Variants in RUBCNL observed in about 807,000 individuals in gnomAD.
RUBCNL encodes the protein rubicon like autophagy enhancer.
A neutral mutation model predicts 69.5 loss-of-function variants in RUBCNL; 62 were observed. That is an observed-to-expected ratio of 0.89 (90% CI 0.73 to 1.10). The LOEUF is 1.10. RUBCNL is among the 50% of genes least tolerant of loss of function. RUBCNL has a pLI of 0.00. For synonymous variants in RUBCNL, 291 were observed against 303.6 expected (o/e 0.96, Z 0.43); for missense variants, 768 against 798.1 (o/e 0.96, Z 0.45).
intron 12 of RUBCNL, among the ~76,000 whole-genome samples, chr13:46,348,025 G>A (rs1428902189): frequency 6.6e-6 from 1 of 152,110 alleles, no homozygotes; most frequent in African/African-American, 2.4e-5. Context: ...TCTGACACAT[G>A]CTACAACATG....
chr13:46,344,682 T>C (rs2048206162), intron 14 of RUBCNL, 59 bp downstream of exon 14: 3 of 1,153,812 alleles, frequency 2.6e-6, no homozygotes, highest in Non-Finnish European at 3.8e-6. Context: ...CTTAAGTTAC[T>C]AAACTTAGTT....
upstream of RUBCNL, chr13:46,389,818 A>C (rs2138876892): frequency 6.6e-6 from 1 of 152,388 alleles, no homozygotes; most frequent in African/African-American, 2.4e-5. This position sits in a 1 kb window ranked among gnomAD's most constrained non-coding sequence, Gnocchi z 4.2. Context: ...GGGATCTGGA[A>C]GTAGAATTTC....
In RUBCNL at chr13:46,341,236, T is replaced by G. The variant is rs1271987571; in HGVS notation, c.*2149A>C. Among the ~76,000 whole-genome samples the G allele has an allele frequency of 5.3e-5, 8 of 152,162 alleles. No individual in the cohort carries two copies. Among genetic ancestry groups the G allele is most frequent in the Non-Finnish European group, 1.2e-4 (8 of 68,028 alleles). ...CAGCACTGCAACTGATGCCTCACAG[T>G]GGGTAATGGTCTGACCAAGCATTCA... is the stretch of plus-strand genomic sequence containing the variant. On this transcript the variant is annotated 3_prime_UTR_variant, in exon 15 of 15. Coordinates refer to ENST00000429979, the MANE Select transcript of RUBCNL (RefSeq NM_025113.5).
intron 10 of RUBCNL, among the ~76,000 whole-genome samples, chr13:46,352,108 G>A (rs958722625): frequency 3.3e-5 from 5 of 152,208 alleles, no homozygotes; most frequent in African/African-American, 7.2e-5. Context: ...GATTACAGGC[G>A]TGAGCCACCA....
upstream of RUBCNL, among the ~76,000 whole-genome samples, chr13:46,389,462 C>A (rs781206431): frequency 2.0e-5 from 3 of 152,202 alleles, no homozygotes; most frequent in Non-Finnish European, 2.9e-5. This position sits in a 1 kb window ranked among gnomAD's most constrained non-coding sequence, Gnocchi z 4.2. Flanking sequence ...CCAGGTAAAT[C>A]AGTGAGTCAA....
In RUBCNL at chr13:46,339,782, C is replaced by T. The variant is rs1270758044; in HGVS notation, c.*3603G>A. Among the ~76,000 whole-genome samples, 1 of 152,038 alleles carries T rather than the reference C, an allele frequency of 6.6e-6. No individual in the cohort carries two copies. The highest frequency in any genetic ancestry group is 2.4e-5 in the African/African-American group (1 of 41,380). On this transcript the variant is annotated 3_prime_UTR_variant, in exon 15 of 15. Transcript: ENST00000429979. ...GGTGAGACAGGAAAATCACTTGAAC[C>T]CAGGTGGCGGAGGTTGAAGTGAGCT... is the stretch of plus-strand genomic sequence containing the variant.
At position 46,342,629 on chromosome 13, in the gene RUBCNL, T is replaced by C. The variant is rs1459860649; in HGVS notation, c.*756A>G. On this transcript the variant is annotated 3_prime_UTR_variant, in exon 15 of 15. Transcript: ENST00000429979. Reference sequence around the variant, plus strand: ...CAAATACCTTATGTTCAGTTTTACATCTGTTAAAGCAAGATCCTCAAGGGC... The same window carrying C: ...CAAATACCTTATGTTCAGTTTTACACCTGTTAAAGCAAGATCCTCAAGGGC... The C allele has an allele frequency of 4.6e-5, 7 of 152,230 alleles. No homozygotes were observed. Among genetic ancestry groups the C allele is most frequent in the Admixed American group, 2.6e-4 (4 of 15,284 alleles). 9.4% of individuals were successfully genotyped at this position (152,230 alleles called of 1,614,324 possible).
chr13:46,381,464 G>GC (rs1412487654), intron 1 of RUBCNL, among the ~76,000 whole-genome samples: 1 of 152,160 alleles, frequency 6.6e-6, no homozygotes, highest in Admixed American at 6.5e-5. Flanking sequence ...GATGGGAACA[G>GC]CTAAAGGGTA....
chr13:46,362,939 G>GATAT (rs57722239), intron 6 of RUBCNL, among the ~76,000 whole-genome samples, 176 bp downstream of exon 6: 1,799 of 41,180 alleles, frequency 0.044, 103 homozygotes, highest in Non-Finnish European at 0.053. Context: ...TATATATATA[G>GATAT]ATATATATAT....
At chr13:46,369,457 C>T (rs78180009) in intron 3 of RUBCNL, among the ~76,000 whole-genome samples, 1,926 of 152,260 alleles carry the variant, frequency 0.013, 52 homozygotes, top group African/African-American at 0.044. Flanking sequence ...TCAAGCTATC[C>T]TTCCACCTCA....
chr13:46,366,948 T>C lies in RUBCNL; in HGVS notation c.826+1094A>G, dbSNP rs368709129. On this transcript the variant is annotated intron_variant, in intron 5 of 14. Transcript: ENST00000429979. ...TTAGAGAGCAAGCACTTAGAAGAGA[T>C]GTCCAGGACTGAAAACATAGATTCA... Among the ~76,000 whole-genome samples, 9 of 152,194 alleles carry C rather than the reference T, an allele frequency of 5.9e-5. No individual in the cohort carries two copies. In the East Asian group the frequency reaches 1.5e-3, roughly 26 times the overall value.
In RUBCNL at chr13:46,337,857, A is replaced by G. The variant is rs2048113871; in HGVS notation, c.*5528T>C. ...CTCCTGAGTAGTTCTATTTCAAACA[A>G]TCACTCAGGGAGCTGGGTAGGGCCC... On this transcript the variant is annotated 3_prime_UTR_variant, in exon 15 of 15. Transcript: ENST00000429979. 6.6e-6 allele frequency among the ~76,000 whole-genome samples: 1 copy of G among 152,192 alleles called. No homozygotes were observed. Among genetic ancestry groups the G allele is most frequent in the Non-Finnish European group, 1.5e-5 (1 of 68,028 alleles).
intron 1 of RUBCNL, among the ~76,000 whole-genome samples, chr13:46,386,435 T>C (rs1027545402): frequency 5.9e-5 from 9 of 152,176 alleles, no homozygotes; most frequent in African/African-American, 2.2e-4. Context: ...TGAGTCTTAA[T>C]TTTCACTCAA....
chr13:46,359,713 C>T, intron 8 of RUBCNL, 82 bp from the exon 9 acceptor site: 2 of 1,288,086 alleles, frequency 1.6e-6, no homozygotes, highest in Non-Finnish European at 2.1e-6. Flanking sequence ...AAATGTATTT[C>T]CAACATTAAA....
At chr13:46,378,175 C>T (rs190989565) in intron 1 of RUBCNL, among the ~76,000 whole-genome samples, 170 bp from the exon 2 acceptor site, 31 of 152,174 alleles carry the variant, frequency 2.0e-4, no homozygotes, top group Admixed American at 7.2e-4. Flanking sequence ...GGGTAACAGA[C>T]GGGACTAAAA....
intron 1 of RUBCNL, 41 bp from the exon 2 acceptor site, chr13:46,378,046 C>T: frequency 9.6e-7 from 1 of 1,041,470 alleles, no homozygotes; most frequent in East Asian, 2.7e-5. Context: ...TATGATACCA[C>T]TGCCAGGTAT....
chr13:46,345,715 TA>T (rs2048232914), intron 12 of RUBCNL, 115 bp from the exon 13 acceptor site: 1 of 1,004,134 alleles, frequency 1.0e-6, no homozygotes. Context: ...TAACTCAATT[TA>T]AAAAATAAAT....
At chr13:46,350,064 G>A (rs1368562751) in intron 11 of RUBCNL, 49 bp downstream of exon 11, 2 of 1,376,866 alleles carry the variant, frequency 1.5e-6, no homozygotes, top group African/African-American at 2.9e-5. Flanking sequence ...TGCATTTCCT[G>A]CCACAGGACA....
chr13:46,380,080 G>T (rs1470188276), intron 1 of RUBCNL, among the ~76,000 whole-genome samples: 1 of 152,202 alleles, frequency 6.6e-6, no homozygotes, highest in East Asian at 1.9e-4. Context: ...CCCTGGCTGG[G>T]TGGTATCACA....
Sources: allele counts gnomAD v4.1 joint callset (sites outside exome capture counted in the v4.1 genomes callset), GRCh38; gene constraint gnomAD v4.1.1; non-coding constraint Gnocchi (gnomAD v3.1); transcripts MANE v1.5; gene names NCBI Gene and HGNC (gene_info 2026-07-23, HGNC 2026-07-21).